ZPBP: variants seen among roughly 807,000 people sequenced by gnomAD.
ZPBP encodes zona pellucida-binding protein 1.
A neutral mutation model predicts 44.8 loss-of-function variants in ZPBP; 26 were observed. The ratio of observed to expected loss-of-function variants is 0.58; its 90% CI spans 0.43 to 0.81. The LOEUF (loss-of-function observed/expected upper bound fraction) is 0.81, where lower values mean the gene tolerates loss of function less well. ZPBP is among the 30% of genes least tolerant of loss of function. The pLI is 0.00. For missense variants in ZPBP, 409 were observed against 434.0 expected (o/e 0.94, Z 0.51); for synonymous variants, 174 against 153.2 (o/e 1.14, Z -1.00).
At chr7:50,005,803 G>A (rs977053063) in intron 6 of ZPBP, among the ~76,000 whole-genome samples, 5 of 148,362 alleles carry the variant, frequency 3.4e-5, no homozygotes, top group African/African-American at 1.3e-4. Context: ...ATATAAATGA[G>A]TTAAACTTCA....
chr7:50,032,081 C>T (rs1206077531), intron 4 of ZPBP, among the ~76,000 whole-genome samples: 1 of 152,112 alleles, frequency 6.6e-6, no homozygotes, highest in Admixed American at 6.5e-5. Flanking sequence ...TTCTTACCTA[C>T]ACATTTAAGC....
intron 6 of ZPBP, among the ~76,000 whole-genome samples, chr7:50,010,561 A>T (rs1434544018): frequency 6.6e-6 from 1 of 152,176 alleles, no homozygotes; most frequent in Non-Finnish European, 1.5e-5. Context: ...GCCACCAACG[A>T]CCAAACTGAG....
intron 3 of ZPBP, among the ~76,000 whole-genome samples, chr7:50,064,435 T>C (rs1801401397): frequency 1.3e-5 from 2 of 152,162 alleles, no homozygotes; most frequent in Middle Eastern, 3.2e-3. Flanking sequence ...GACCAAAATT[T>C]CTTAGGCAGG....
intron 6 of ZPBP, among the ~76,000 whole-genome samples, chr7:50,002,150 G>T (rs969322929): frequency 6.7e-6 from 1 of 150,176 alleles, no homozygotes; most frequent in Non-Finnish European, 1.5e-5. Context: ...CACATGGCTA[G>T]GGGGGCCTCA....
chr7:50,090,183 T>G (rs757033862), intron 1 of ZPBP, among the ~76,000 whole-genome samples: 8 of 152,126 alleles, frequency 5.3e-5, no homozygotes, highest in Non-Finnish European at 1.2e-4. Context: ...TTTGAGATTT[T>G]GGTATACCCA....
chr7:49,949,939 T>C (rs1335387363), intron 7 of ZPBP, among the ~76,000 whole-genome samples: 2 of 151,956 alleles, frequency 1.3e-5, no homozygotes, highest in South Asian at 4.1e-4. Flanking sequence ...GGAAATGTAT[T>C]AATAAAACCA....
chr7:50,066,028 G>A (rs992990100), intron 3 of ZPBP, among the ~76,000 whole-genome samples: 2 of 151,074 alleles, frequency 1.3e-5, no homozygotes, highest in African/African-American at 2.4e-5. Context: ...AAGTGTTGGA[G>A]CTGTGTTAGC....
intron 7 of ZPBP, among the ~76,000 whole-genome samples, chr7:49,980,627 G>C (rs1016114368): frequency 1.3e-5 from 2 of 151,870 alleles, no homozygotes; most frequent in African/African-American, 4.8e-5. Flanking sequence ...GCCAGAGAGG[G>C]GGGCAGGTGC....
chr7:49,880,671 G>T (rs553282711), intron 2 of ZPBP, among the ~76,000 whole-genome samples: 101 of 151,876 alleles, frequency 6.7e-4, no homozygotes, highest in African/African-American at 2.3e-3. Context: ...ATCACACACC[G>T]GGGCCTGTTG....
chr7:49,926,337 CCTT>C (rs1794232626), intron 1 of ZPBP, among the ~76,000 whole-genome samples: 1 of 152,202 alleles, frequency 6.6e-6, no homozygotes, highest in African/African-American at 2.4e-5. Flanking sequence ...CTTCTCTATT[CCTT>C]CTTCTACTAC....
At chr7:49,849,549 T>C (rs1362842735), downstream of ZPBP, among the ~76,000 whole-genome samples, 2 of 152,186 alleles carry the variant, frequency 1.3e-5, no homozygotes, top group Admixed American at 6.5e-5. Flanking sequence ...ATGCCACATT[T>C]CAGCCCTTCT....
intron 2 of ZPBP, among the ~76,000 whole-genome samples, chr7:50,087,617 T>C (rs1421689725): frequency 6.6e-6 from 1 of 152,014 alleles, no homozygotes; most frequent in African/African-American, 2.4e-5. Flanking sequence ...ATCAATTGTG[T>C]TTCTTTATGC....
At position 49,985,113 on chromosome 7, in the gene ZPBP, G is replaced by A. The variant is rs531757949; in HGVS notation, c.784-1594C>T. The stretch of plus-strand genomic sequence containing the variant: ...GTGATGGAATGGTACCCTGTCCAGC[G>A]TTGGTTCCCACCTTGAGCGCTGAGC... On this transcript the variant is annotated intron_variant, in intron 6 of 7. Coordinates refer to ENST00000046087, the MANE Select transcript of ZPBP (RefSeq NM_007009.3). 6.5e-4 allele frequency among the ~76,000 whole-genome samples: 99 copies of A among 152,294 alleles called. 1 individual carries two copies. In the South Asian group the frequency reaches 7.9e-3, roughly 12 times the overall value.
chr7:49,888,632 C>T (rs970321234), intron 2 of ZPBP, among the ~76,000 whole-genome samples: 12 of 152,160 alleles, frequency 7.9e-5, no homozygotes, highest in African/African-American at 2.7e-4. Context: ...CACCTTTTGC[C>T]AGGCGCGGTG....
chr7:49,948,060 A>C (rs1342806240), intron 7 of ZPBP, among the ~76,000 whole-genome samples: 2 of 152,188 alleles, frequency 1.3e-5, no homozygotes, highest in Non-Finnish European at 2.9e-5. Flanking sequence ...CTTGTGGTGA[A>C]TGCTGCCAGT....
intron 2 of ZPBP, among the ~76,000 whole-genome samples, chr7:49,858,938 T>G (rs1278822627): frequency 1.3e-5 from 2 of 152,242 alleles, no homozygotes; most frequent in African/African-American, 4.8e-5. Context: ...GTATATTTAT[T>G]TCATGGCCCC....
chr7:49,958,080 A>G (rs1795688565), intron 7 of ZPBP, among the ~76,000 whole-genome samples: 1 of 152,054 alleles, frequency 6.6e-6, no homozygotes, highest in Non-Finnish European at 1.5e-5. Context: ...CTTCTTGCCT[A>G]TTTCTCCCTT....
At chr7:49,880,746 G>A (rs959529023) in intron 2 of ZPBP, among the ~76,000 whole-genome samples, 6 of 151,978 alleles carry the variant, frequency 3.9e-5, no homozygotes, top group African/African-American at 9.7e-5. Flanking sequence ...ACGAGTTAAC[G>A]GATGCAGCAC....
At position 49,913,833 on chromosome 7, in the gene ZPBP, C is replaced by T. The variant is rs569277800; in HGVS notation, n.412-12618G>A. ...ATTCAAGAAAAATGGATACATCTAT[C>T]ATAATTGAAAAATTAAACTATTGTG... On this transcript the variant is annotated intron_variant and non_coding_transcript_variant, in intron 1 of 2. Coordinates refer to the ZPBP transcript ENST00000465922. 49 of 152,178 alleles carry T rather than the reference C, an allele frequency of 3.2e-4. 1 individual carries two copies. Among genetic ancestry groups the T allele is most frequent in the Admixed American group, 3.0e-3 (46 of 15,274 alleles). 9.4% of individuals were successfully genotyped at this position (152,178 alleles called of 1,614,324 possible).
Sources: gnomAD v4.1 joint callset for allele counts (sites outside exome capture counted in the v4.1 genomes callset) on GRCh38, gnomAD v4.1.1 for gene constraint, MANE v1.5 for transcripts, NCBI Gene and HGNC (gene_info 2026-07-23, HGNC 2026-07-21) for gene names.